Variants in ACBD6 observed in about 807,000 individuals in gnomAD.
The protein encoded by ACBD6 is acyl-CoA-binding domain-containing protein 6.
ACBD6 carries 28 observed loss-of-function variants against 37.2 expected under a neutral mutation model. The observed-to-expected ratio is 0.75, with a 90% CI of 0.56 to 1.03. The LOEUF is 1.03. Ranked by LOEUF, ACBD6 falls within the 50% of genes least tolerant of loss-of-function variation. The probability of loss-of-function intolerance (pLI) is 0.00; values close to 1 mark genes in which losing one functional copy is unlikely to be tolerated. For missense variants in ACBD6, 340 were observed against 337.4 expected (o/e 1.01, Z -0.06); for synonymous variants, 113 against 126.8 (o/e 0.89, Z 0.73).
intron 3 of ACBD6, among the ~76,000 whole-genome samples, chr1:180,458,138 T>C (rs938782173): frequency 1.3e-5 from 2 of 152,180 alleles, no homozygotes; most frequent in South Asian, 2.1e-4. Context: ...AATCCTAATA[T>C]ATCTTTCCTA....
chr1:180,439,697 G>A (rs1031058477), intron 3 of ACBD6, among the ~76,000 whole-genome samples: 1 of 152,130 alleles, frequency 6.6e-6, no homozygotes, highest in African/African-American at 2.4e-5. Flanking sequence ...TATGGCCCAA[G>A]CATCTTCTGT....
intron 7 of ACBD6, among the ~76,000 whole-genome samples, chr1:180,313,042 C>G (rs538536015): frequency 6.6e-6 from 1 of 152,244 alleles, no homozygotes; most frequent in East Asian, 1.9e-4. Context: ...AGTTTTTTTA[C>G]CTAATTTGCT....
In ACBD6 at chr1:180,435,792, C is replaced by T. The variant is rs1020047628; in HGVS notation, c.385-5530G>A. ...CAGATTGACTCTGACAGCTGCTTCT[C>T]GGCTAAAGTGAATAACTCCAGCCTG... On this transcript the variant is annotated intron_variant, in intron 3 of 7. Coordinates refer to ENST00000367595, the MANE Select transcript of ACBD6 (RefSeq NM_032360.4). 8.8e-5 allele frequency: 80 copies of T among 913,356 alleles called. No homozygotes were observed. In the African/African-American group the frequency reaches 1.0e-3, roughly 12 times the overall value. 56.6% of individuals were successfully genotyped at this position (913,356 alleles called of 1,614,324 possible). A position where few individuals can be genotyped will look rare whatever the true frequency, so the allele number is the denominator to read the frequency against.
At chr1:180,361,079 A>T (rs1439255233) in intron 6 of ACBD6, among the ~76,000 whole-genome samples, 2 of 152,214 alleles carry the variant, frequency 1.3e-5, no homozygotes, top group African/African-American at 2.4e-5. Context: ...TTGCTGGGCT[A>T]AAACAAGCCT....
intron 3 of ACBD6, among the ~76,000 whole-genome samples, chr1:180,440,904 G>A (rs1649256201): frequency 6.6e-6 from 1 of 152,026 alleles, no homozygotes; most frequent in African/African-American, 2.4e-5. Context: ...ATGATTAATA[G>A]TCTATTATAT....
intron 7 of ACBD6, among the ~76,000 whole-genome samples, chr1:180,292,828 T>G (rs1350988198): frequency 6.6e-6 from 1 of 152,226 alleles, no homozygotes; most frequent in African/African-American, 2.4e-5. Context: ...GTTCAGCCTT[T>G]CATCATCAAG....
chr1:180,356,612 C>T (rs1387485055), intron 6 of ACBD6, among the ~76,000 whole-genome samples: 2 of 151,674 alleles, frequency 1.3e-5, no homozygotes, highest in Admixed American at 6.6e-5. Context: ...TTTGGGAGGC[C>T]GCGGCAGGTG....
At chr1:180,362,003 T>C (rs1652872961) in intron 6 of ACBD6, among the ~76,000 whole-genome samples, 1 of 152,034 alleles carries the variant, frequency 6.6e-6, no homozygotes, top group South Asian at 2.1e-4. Context: ...TGAGAATCTA[T>C]TCTGAGATAG....
chr1:180,363,045 A>C (rs186814970), intron 6 of ACBD6, among the ~76,000 whole-genome samples: 1 of 152,292 alleles, frequency 6.6e-6, no homozygotes, highest in Admixed American at 6.5e-5. Context: ...TGGCAAATGT[A>C]TTAACTTATT....
At chr1:180,384,928 T>C (rs1653794166) in intron 6 of ACBD6, among the ~76,000 whole-genome samples, 1 of 152,140 alleles carries the variant, frequency 6.6e-6, no homozygotes, top group Admixed American at 6.5e-5. Flanking sequence ...ATGTTCTCAT[T>C]CATATGTAGG....
downstream of ACBD6, among the ~76,000 whole-genome samples, chr1:180,284,894 G>A (rs187004683): frequency 1.5e-3 from 233 of 152,166 alleles, no homozygotes; most frequent in African/African-American, 5.4e-3. Flanking sequence ...GCTCTTGCCT[G>A]TAATCCCAGC....
intron 6 of ACBD6, among the ~76,000 whole-genome samples, chr1:180,373,234 A>G (rs1653324193): frequency 6.6e-6 from 1 of 152,118 alleles, no homozygotes; most frequent in South Asian, 2.1e-4. Flanking sequence ...CTTTTCATTC[A>G]CTGAAATTTC....
intron 3 of ACBD6, among the ~76,000 whole-genome samples, chr1:180,470,968 T>C (rs1650543623): frequency 6.6e-6 from 1 of 152,242 alleles, no homozygotes; most frequent in Non-Finnish European, 1.5e-5. Flanking sequence ...AGAAAAATAT[T>C]CTGTTTTCTA....
chr1:180,291,071 G>A (rs1649689027), intron 7 of ACBD6, among the ~76,000 whole-genome samples: 1 of 152,142 alleles, frequency 6.6e-6, no homozygotes, highest in African/African-American at 2.4e-5. Flanking sequence ...CATCCACATT[G>A]CTTCAAGTAT....
chr1:180,339,119 GTGGCAA>G (rs1651866525), intron 6 of ACBD6, among the ~76,000 whole-genome samples: 1 of 152,236 alleles, frequency 6.6e-6, no homozygotes, highest in South Asian at 2.1e-4. Context: ...GGAAGTCAGT[GTGGCAA>G]TTCCTCAGGG....
chr1:180,275,444 A>ATCAG (rs1648967511), intron 9 of ACBD6: 1 of 152,362 alleles, frequency 6.6e-6, no homozygotes, highest in African/African-American at 2.4e-5. Context: ...ATGACAATCA[A>ATCAG]TCAGTGAACA....
At chr1:180,444,980 C>A (rs1361598654) in intron 3 of ACBD6, among the ~76,000 whole-genome samples, 2 of 152,102 alleles carry the variant, frequency 1.3e-5, no homozygotes, top group East Asian at 3.8e-4. Flanking sequence ...TGTGTGCTAC[C>A]TTTTTTGGAT....
intron 6 of ACBD6, among the ~76,000 whole-genome samples, chr1:180,325,814 G>C (rs776442988): frequency 1.3e-5 from 2 of 152,186 alleles, no homozygotes; most frequent in Non-Finnish European, 2.9e-5. Flanking sequence ...ATAAGATCCA[G>C]AAGAATTATC....
intron 1 of ACBD6, 132 bp from the exon 2 acceptor site, chr1:180,495,657 AT>A (rs1651705300): frequency 6.1e-6 from 4 of 655,128 alleles, no homozygotes; most frequent in Admixed American, 5.7e-5. Context: ...GAATAGCAAA[AT>A]TTAACATTCT....
Sources: allele counts gnomAD v4.1 joint callset (sites outside exome capture counted in the v4.1 genomes callset), GRCh38; gene constraint gnomAD v4.1.1; transcripts MANE v1.5; gene names NCBI Gene and HGNC (gene_info 2026-07-23, HGNC 2026-07-21).